The following DIDO1 variants were observed in gnomAD, a reference collection of about 807,000 sequenced individuals.
DIDO1 encodes death-inducer obliterator 1.
Under a neutral mutation model 99.4 loss-of-function variants are expected in DIDO1, and 16 were observed. The ratio of observed to expected loss-of-function variants is 0.16; its 90% CI spans 0.11 to 0.24. DIDO1 has a LOEUF of 0.24. Ranked by LOEUF, DIDO1 falls within the 10% of genes least tolerant of loss-of-function variation. The pLI, the probability that DIDO1 is intolerant of heterozygous loss-of-function variation, is 1.00. For missense variants in DIDO1, 2,996 were observed against 3,014.0 expected (o/e 0.99, Z 0.14); for synonymous variants, 1,366 against 1,239.1 (o/e 1.10, Z -2.15).
chr20:62,889,895 T>C (rs1256668624), intron 15 of DIDO1: 1 of 985,438 alleles, frequency 1.0e-6, no homozygotes, highest in Non-Finnish European at 1.2e-6. Flanking sequence ...GACATATAAT[T>C]CCACAACACA....
At position 62,904,223 on chromosome 20, in the gene DIDO1, G is replaced by A. The variant is rs575866313; in HGVS notation, c.1588+1664C>T. 3.5e-3 allele frequency among the ~76,000 whole-genome samples: 500 copies of A among 142,932 alleles called. 1 individual carries two copies. Among genetic ancestry groups the A allele is most frequent in the Middle Eastern group, 7.2e-3 (2 of 276 alleles). 93.8% of individuals were successfully genotyped at this position (142,932 alleles called of 152,430 possible). The stretch of plus-strand genomic sequence containing the variant: ...AGTACAGCATTAAAAATCCCTCTCT[G>A]CATTCACAGGTGGGTGACACTTTAA... On this transcript the variant is annotated intron_variant, in intron 6 of 15. Transcript: ENST00000395343.
chr20:62,922,105 T>TACAC (rs1392712833), intron 1 of DIDO1, among the ~76,000 whole-genome samples: 88 of 67,820 alleles, frequency 1.3e-3, no homozygotes, highest in Middle Eastern at 0.02. Context: ...ACACACTATA[T>TACAC]ATATACACAC....
intron 1 of DIDO1, among the ~76,000 whole-genome samples, chr20:62,918,431 A>G (rs1323623934): frequency 6.6e-6 from 1 of 152,256 alleles, no homozygotes; most frequent in African/African-American, 2.4e-5. Flanking sequence ...CACAGTGCCC[A>G]GCTCCCACCT....
chr20:62,893,061 C>T, intron 12 of DIDO1, 99 bp from the exon 13 acceptor site: 1 of 1,328,562 alleles, frequency 7.5e-7, no homozygotes, highest in Non-Finnish European at 1.0e-6. Context: ...GGATCTCATT[C>T]TGTCATGCAG....
chr20:62,888,070 G>A, intron 15 of DIDO1: 4 of 985,568 alleles, frequency 4.1e-6, no homozygotes, highest in Non-Finnish European at 4.8e-6. Flanking sequence ...GCCCGACAAG[G>A]GCCAAGTGCT....
Position 62,911,046 on chromosome 20 carries a change from C to T in DIDO1, c.567G>A (p.Arg189=). The change falls in exon 3 of 16, where the codon CGG becomes CGA. Residue 189 remains arginine, a synonymous_variant. Coordinates refer to ENST00000395343, the MANE Select transcript of DIDO1 (RefSeq NM_001193369.2). The surrounding 1 kb of genome is among the most constrained non-coding windows in gnomAD (Gnocchi z 7.0). ...CGGGACCCTCCTCCCGGCGCTTCTT[C>T]CGCAGGCGACTCTGGATCCCTTTCA... ...RPLKGIQSRL[R]KKRREEGPAE... is the part of the protein sequence containing the mutation. 4.3e-6 allele frequency: 7 copies of T among 1,613,770 alleles called. No homozygotes were observed. The highest frequency in any genetic ancestry group is 5.9e-6 in the Non-Finnish European group (7 of 1,180,028).
chr20:62,925,434 C>A (rs762859699), intron 1 of DIDO1, among the ~76,000 whole-genome samples: 2 of 152,188 alleles, frequency 1.3e-5, no homozygotes, highest in African/African-American at 2.4e-5. Context: ...TGTGAATATA[C>A]CGAAAAGACG....
In DIDO1 at chr20:62,877,890, T is replaced by C. The variant is rs1304608024; in HGVS notation, c.*1343A>G. On this transcript the variant is annotated 3_prime_UTR_variant, in exon 16 of 16. Coordinates refer to ENST00000395343, the MANE Select transcript of DIDO1 (RefSeq NM_001193369.2). Reference sequence around the variant, plus strand: ...AAAGAAACACACTTGATTTTTACATTTGTGTATTTAAATTAGAAAAATTTG... The same window carrying C: ...AAAGAAACACACTTGATTTTTACATCTGTGTATTTAAATTAGAAAAATTTG... The C allele has an allele frequency of 6.6e-6, 1 of 152,234 alleles. No homozygotes were observed. Among genetic ancestry groups the C allele is most frequent in the Non-Finnish European group, 1.5e-5 (1 of 68,044 alleles). The allele number at this position is 152,234 out of a possible 1,614,324, so 9.4% of individuals were successfully genotyped here.
At chr20:62,915,524 T>G (rs1277276010) in intron 1 of DIDO1, among the ~76,000 whole-genome samples, 2 of 152,246 alleles carry the variant, frequency 1.3e-5, no homozygotes, top group Non-Finnish European at 2.9e-5. Context: ...CATCTTGCTT[T>G]GTTGCCCAGG....
At chr20:62,930,311 C>G (rs532456770), upstream of DIDO1, among the ~76,000 whole-genome samples, 2 of 152,050 alleles carry the variant, frequency 1.3e-5, no homozygotes, top group Non-Finnish European at 2.9e-5. Context: ...AAGGCAACTT[C>G]ACAGAATTCA....
chr20:62,904,780 C>CAAAAAAAAAAAAAAAAAAAAAAAA (rs58039393), intron 6 of DIDO1, among the ~76,000 whole-genome samples: 3 of 62,622 alleles, frequency 4.8e-5, no homozygotes, highest in Admixed American at 3.3e-4. Flanking sequence ...ACTCTTGTCT[C>CAAAAAAAAAAAAAAAAAAAAAAAA]AAAAAAAAAA....
Position 62,905,847 on chromosome 20 carries a change from C to T in DIDO1, c.1588+40G>A, listed in dbSNP as rs371740430. On this transcript the variant is annotated intron_variant, in intron 6 of 15. Coordinates refer to ENST00000395343, the MANE Select transcript of DIDO1 (RefSeq NM_001193369.2). ...CCAGGGGATGGCTATCCAGAAAGAACGGGAGGGGTCCAGGAGGCCAACCCC... is the reference window on the plus strand; with the variant it reads ...CCAGGGGATGGCTATCCAGAAAGAATGGGAGGGGTCCAGGAGGCCAACCCC... The T allele has an allele frequency of 1.2e-5, 20 of 1,614,064 alleles. No homozygotes were observed. The East Asian group carries it at 2.5e-4, about 20-fold the overall frequency.
intron 6 of DIDO1, among the ~76,000 whole-genome samples, chr20:62,901,618 G>GACAGC (rs1024220837): frequency 1.3e-5 from 2 of 152,126 alleles, no homozygotes; most frequent in African/African-American, 4.8e-5. Context: ...GCCCCTAGCT[G>GACAGC]ACAGCACCAA....
chr20:62,915,652 C>A (rs1415287419), intron 1 of DIDO1, among the ~76,000 whole-genome samples: 1 of 152,042 alleles, frequency 6.6e-6, no homozygotes, highest in African/African-American at 2.4e-5. Context: ...CTATGCCCAG[C>A]TAATTTTTGA....
rs142252746 is a variant in DIDO1, at chr20:62,879,613, T to C, written c.6343A>G (p.Arg2115Gly). 71 of 1,604,486 alleles carry C rather than the reference T, an allele frequency of 4.4e-5. No individual in the cohort carries two copies. Among genetic ancestry groups the C allele is most frequent in the Non-Finnish European group, 5.7e-5 (67 of 1,179,684 alleles). Reference sequence around the variant, plus strand: ...CAGTTTCGGCCGCGCTCGCGCTCTCTCCTCCTGTCCTCGGACGCCCGGCCC... The same window carrying C: ...CAGTTTCGGCCGCGCTCGCGCTCTCCCCTCCTGTCCTCGGACGCCCGGCCC... The part of the protein sequence containing the change: ...AQGRASEDRR[R>G]ERERGRNWSR... Residue 2115 changes from arginine to glycine, a missense_variant, in exon 16 of 16, where the codon AGA (arginine) becomes GGA (glycine). By Grantham distance (125) the Arg-to-Gly change is moderately radical (BLOSUM62 -2). Transcript: ENST00000395343. The surrounding 1 kb of genome is among the most constrained non-coding windows in gnomAD (Gnocchi z 6.3).
intron 6 of DIDO1, among the ~76,000 whole-genome samples, chr20:62,900,857 C>T (rs2147444340): frequency 6.6e-6 from 1 of 152,328 alleles, no homozygotes; most frequent in Admixed American, 6.5e-5. Flanking sequence ...TGCTATGCAC[C>T]TGAAAACAGA....
At chr20:62,901,899 GTA>G (rs1160601625) in intron 6 of DIDO1, among the ~76,000 whole-genome samples, 1 of 151,340 alleles carries the variant, frequency 6.6e-6, no homozygotes, top group Non-Finnish European at 1.5e-5. Context: ...TGGAGGAATT[GTA>G]GCAGGCGTCT....
At chr20:62,899,094 G>A (rs1381884380) in intron 6 of DIDO1, among the ~76,000 whole-genome samples, 1 of 152,198 alleles carries the variant, frequency 6.6e-6, no homozygotes, top group East Asian at 1.9e-4. Context: ...AGGCACACCG[G>A]CAGGAGGCTG....
At chr20:62,901,832 A>C (rs1422586229) in intron 6 of DIDO1, among the ~76,000 whole-genome samples, 6 of 152,174 alleles carry the variant, frequency 3.9e-5, no homozygotes, top group South Asian at 4.2e-4. Context: ...AAAAAAAAAA[A>C]AACCTAGTAT....
Sources: gnomAD v4.1 joint callset for allele counts (sites outside exome capture counted in the v4.1 genomes callset) on GRCh38, gnomAD v4.1.1 for gene constraint, Gnocchi (gnomAD v3.1) non-coding constraint, MANE v1.5 for transcripts, NCBI Gene and HGNC (gene_info 2026-07-23, HGNC 2026-07-21) for gene names.